Variants in ZNF423 observed in about 807,000 individuals in gnomAD.
ZNF423 encodes the protein zinc finger protein 423, also known as Ebf-associated zinc finger protein.
Under a neutral mutation model 95.8 loss-of-function variants are expected in ZNF423, and 12 were observed. That is an observed-to-expected ratio of 0.13 (90% CI 0.08 to 0.20). ZNF423 has a LOEUF of 0.20. Ranked by LOEUF, ZNF423 falls within the 10% of genes least tolerant of loss-of-function variation. The probability of loss-of-function intolerance (pLI) is 1.00; values close to 1 mark genes in which losing one functional copy is unlikely to be tolerated. For missense variants in ZNF423, 1,316 were observed against 1,737.1 expected (o/e 0.76, Z 4.31); for synonymous variants, 749 against 711.9 (o/e 1.05, Z -0.83).
chr16:49,758,762 C>CA (rs1181207777), intron 2 of ZNF423, among the ~76,000 whole-genome samples: 7 of 151,274 alleles, frequency 4.6e-5, no homozygotes, highest in African/African-American at 9.7e-5. Flanking sequence ...ATCATCACTA[C>CA]AAAAAAAAAT....
chr16:49,512,873 G>A (rs569771595), intron 7 of ZNF423, among the ~76,000 whole-genome samples: 66 of 152,184 alleles, frequency 4.3e-4, no homozygotes, highest in African/African-American at 1.6e-3. Flanking sequence ...AGGCAAGTGG[G>A]TCACTTGAGG....
At chr16:49,656,604 T>C (rs2029888160) in intron 3 of ZNF423, among the ~76,000 whole-genome samples, 1 of 152,180 alleles carries the variant, frequency 6.6e-6, no homozygotes, top group Non-Finnish European at 1.5e-5. Flanking sequence ...AACCCCATAA[T>C]GCCTCCAAGC....
chr16:49,569,308 A>G (rs1286135662), intron 5 of ZNF423, among the ~76,000 whole-genome samples: 1 of 152,204 alleles, frequency 6.6e-6, no homozygotes. Context: ...AGAATGCCCC[A>G]TGGGGGTCAA....
At chr16:49,548,148 C>T (rs926058341) in intron 5 of ZNF423, among the ~76,000 whole-genome samples, 1 of 152,124 alleles carries the variant, frequency 6.6e-6, no homozygotes. Context: ...CCACCTCACC[C>T]GACCTCACCC....
At chr16:49,693,810 A>G (rs1385822056) in intron 3 of ZNF423, among the ~76,000 whole-genome samples, 1 of 152,218 alleles carries the variant, frequency 6.6e-6, no homozygotes, top group East Asian at 1.9e-4. Context: ...CAAAAACGAA[A>G]GCAGAGACAA....
chr16:49,534,626 C>A (rs375991617), intron 5 of ZNF423, among the ~76,000 whole-genome samples: 1 of 152,126 alleles, frequency 6.6e-6, no homozygotes, highest in African/African-American at 2.4e-5. Context: ...CATACAAACC[C>A]GCTGTGGGGG....
intron 5 of ZNF423, among the ~76,000 whole-genome samples, chr16:49,559,637 C>A (rs776462235): frequency 6.6e-6 from 1 of 152,214 alleles, no homozygotes; most frequent in Non-Finnish European, 1.5e-5. Context: ...TTCCTGTGGG[C>A]GGTCTGCTCC....
At chr16:49,812,676 T>G (rs1345556657) in intron 1 of ZNF423, among the ~76,000 whole-genome samples, 1 of 152,160 alleles carries the variant, frequency 6.6e-6, no homozygotes, top group Non-Finnish European at 1.5e-5. Context: ...TGAGATCCCA[T>G]CTCAGAAAAC....
At chr16:49,773,508 C>T (rs1197502841) in intron 2 of ZNF423, among the ~76,000 whole-genome samples, 1 of 152,192 alleles carries the variant, frequency 6.6e-6, no homozygotes, top group Non-Finnish European at 1.5e-5. Flanking sequence ...CTAACCACAT[C>T]GCAGGTTCCC....
intron 1 of ZNF423, among the ~76,000 whole-genome samples, chr16:49,811,970 C>G (rs915785528): frequency 6.6e-6 from 1 of 152,198 alleles, no homozygotes; most frequent in Admixed American, 6.5e-5. Flanking sequence ...AGGCTCTGTC[C>G]CGCTCTCCTC....
intron 5 of ZNF423, among the ~76,000 whole-genome samples, chr16:49,553,530 A>G (rs1449233619): frequency 6.6e-6 from 1 of 152,016 alleles, no homozygotes. Context: ...ACTTTTTTGT[A>G]AAGGTGAGGT....
intron 5 of ZNF423, among the ~76,000 whole-genome samples, chr16:49,538,520 G>A (rs759347817): frequency 7.9e-5 from 12 of 152,098 alleles, no homozygotes; most frequent in Non-Finnish European, 1.5e-5. Flanking sequence ...TCCTCCCCAG[G>A]CTCCACAGCC....
At chr16:49,710,908 G>A (rs925188090) in intron 3 of ZNF423, among the ~76,000 whole-genome samples, 1 of 152,144 alleles carries the variant, frequency 6.6e-6, no homozygotes, top group Non-Finnish European at 1.5e-5. Context: ...CTTCACTTGG[G>A]GACATGGGGC....
rs1029385640 is a variant in ZNF423, at chr16:49,855,551, C to T, written c.40+184G>A. On this transcript the variant is annotated intron_variant, in intron 1 of 7. Transcript: ENST00000563137. The surrounding 1 kb of genome is among the most constrained non-coding windows in gnomAD (Gnocchi z 4.7). ...GCCGCCGCCGCCTCCGCCTCCTGCT[C>T]CCGGCTTCCTCCTCCCCCTCCTCCG... Among the ~76,000 whole-genome samples the T allele has an allele frequency of 7.3e-5, 11 of 150,286 alleles. No homozygotes were observed. Among genetic ancestry groups the T allele is most frequent in the African/African-American group, 2.2e-4 (9 of 40,876 alleles).
intron 1 of ZNF423, among the ~76,000 whole-genome samples, chr16:49,844,358 C>T (rs1338670784): frequency 6.6e-6 from 1 of 152,208 alleles, no homozygotes; most frequent in Non-Finnish European, 1.5e-5. Flanking sequence ...CAATGTTTTA[C>T]AAGCCTAACA....
chr16:49,522,315 C>T (rs1007260244), intron 7 of ZNF423, among the ~76,000 whole-genome samples: 3 of 152,148 alleles, frequency 2.0e-5, no homozygotes, highest in African/African-American at 7.2e-5. Context: ...GAGAAGGTGG[C>T]GTGCATCATT....
chr16:49,581,718 A>G (rs1970680688), intron 5 of ZNF423, among the ~76,000 whole-genome samples: 1 of 152,132 alleles, frequency 6.6e-6, no homozygotes, highest in African/African-American at 2.4e-5. Flanking sequence ...ACGAAATAAT[A>G]TTTTCGTTTC....
intron 5 of ZNF423, among the ~76,000 whole-genome samples, chr16:49,563,443 T>C (rs1970080915): frequency 6.6e-6 from 1 of 152,150 alleles, no homozygotes; most frequent in Non-Finnish European, 1.5e-5. Flanking sequence ...TAAACCTCTT[T>C]ATAAATCACC....
At chr16:49,799,070 G>A (rs1324653067) in intron 1 of ZNF423, among the ~76,000 whole-genome samples, 2 of 152,166 alleles carry the variant, frequency 1.3e-5, no homozygotes, top group African/African-American at 4.8e-5. Context: ...GTAGGGGTGT[G>A]GGAAGTGGGC....
Sources: gnomAD v4.1 joint callset for allele counts (sites outside exome capture counted in the v4.1 genomes callset) on GRCh38, gnomAD v4.1.1 for gene constraint, Gnocchi (gnomAD v3.1) non-coding constraint, MANE v1.5 for transcripts, NCBI Gene and HGNC (gene_info 2026-07-23, HGNC 2026-07-21) for gene names.